The following FHIT variants were observed in gnomAD, a reference collection of about 807,000 sequenced individuals.
The protein encoded by FHIT is bis(5'-adenosyl)-triphosphatase.
In FHIT, 19 loss-of-function variants were observed where a neutral mutation model predicts 17.9. The observed-to-expected ratio is 1.06, with a 90% CI of 0.74 to 1.56. The LOEUF (loss-of-function observed/expected upper bound fraction) is 1.56, where lower values mean the gene tolerates loss of function less well. FHIT is among the 40% of genes most tolerant of loss of function. The pLI, the probability that FHIT is intolerant of heterozygous loss-of-function variation, is 0.00. For synonymous variants in FHIT, 81 were observed against 69.7 expected, an observed-to-expected ratio of 1.16 and a Z score of -0.81; for missense variants, 248 against 189.2, an observed-to-expected ratio of 1.31 and a Z score of -1.82.
rs532477854 is a variant in FHIT at position 61,022,668 on chromosome 3, T to C, written c.-111+19379A>G. 5.3e-5 allele frequency among the ~76,000 whole-genome samples: 8 copies of C among 152,344 alleles called. No homozygotes were observed. The South Asian group carries it at 8.3e-4, about 16-fold the overall frequency. Reference sequence around the variant, plus strand: ...ACCACGATCAAGTTGGCTTAATCCCTGGGATGCAAGGATGGTTCAATATAC... The same window carrying C: ...ACCACGATCAAGTTGGCTTAATCCCCGGGATGCAAGGATGGTTCAATATAC... On this transcript the variant is annotated intron_variant, in intron 3 of 9. Transcript: ENST00000492590.
chr3:61,250,560 C>T (rs150425236), intron 1 of FHIT, among the ~76,000 whole-genome samples: 1 of 152,184 alleles, frequency 6.6e-6, no homozygotes, highest in Non-Finnish European at 1.5e-5. Flanking sequence ...CTGTGAGTGG[C>T]TGTTCCAAGG....
intron 8 of FHIT, among the ~76,000 whole-genome samples, chr3:59,768,822 T>A (rs550228579): frequency 1.4e-4 from 22 of 152,326 alleles, no homozygotes; most frequent in African/African-American, 5.3e-4. Flanking sequence ...GATATACTAG[T>A]GAGGCAGGAA....
chr3:61,008,936 G>T (rs76235853), intron 3 of FHIT, among the ~76,000 whole-genome samples: 5,918 of 152,058 alleles, frequency 0.039, 376 homozygotes, highest in African/African-American at 0.13. Flanking sequence ...GCAGCTAACC[G>T]CCTCAGTAAA....
At chr3:60,264,062 G>T (rs1253245084) in intron 5 of FHIT, among the ~76,000 whole-genome samples, 1 of 151,708 alleles carries the variant, frequency 6.6e-6, no homozygotes, top group Non-Finnish European at 1.5e-5. Context: ...CATCAACAAA[G>T]TATGTGGCAT....
intron 3 of FHIT, among the ~76,000 whole-genome samples, chr3:60,826,015 T>C (rs1559752113): frequency 6.6e-6 from 1 of 152,062 alleles, no homozygotes; most frequent in Admixed American, 6.6e-5. Context: ...TGGAAGCAAA[T>C]CTGACCAAAC....
intron 8 of FHIT, among the ~76,000 whole-genome samples, chr3:59,916,845 A>G (rs951314578): frequency 1.3e-5 from 2 of 152,256 alleles, no homozygotes; most frequent in African/African-American, 4.8e-5. Context: ...TTAGAAGAAC[A>G]TATCAAGTTG....
At chr3:60,348,861 C>A (rs547437998) in intron 5 of FHIT, among the ~76,000 whole-genome samples, 1 of 152,176 alleles carries the variant, frequency 6.6e-6, no homozygotes, top group Admixed American at 6.5e-5. Flanking sequence ...AGCCTGCTGG[C>A]GGATACAAAA....
chr3:60,192,346 G>A (rs1043216419), intron 5 of FHIT, among the ~76,000 whole-genome samples: 26 of 152,104 alleles, frequency 1.7e-4, no homozygotes, highest in African/African-American at 4.3e-4. Flanking sequence ...CTAAAGCAAG[G>A]AGACAAATGC....
intron 7 of FHIT, among the ~76,000 whole-genome samples, chr3:59,958,761 C>A (rs1412125693): frequency 6.6e-6 from 1 of 152,174 alleles, no homozygotes; most frequent in Non-Finnish European, 1.5e-5. Flanking sequence ...CCGGGGCCAA[C>A]CTTCTATGAC....
intron 8 of FHIT, among the ~76,000 whole-genome samples, chr3:59,888,515 T>C (rs1440978397): frequency 6.6e-6 from 1 of 152,216 alleles, no homozygotes; most frequent in East Asian, 1.9e-4. Flanking sequence ...AAGGACCATA[T>C]ATTATTCACT....
chr3:60,623,397 A>G (rs1392819418), intron 4 of FHIT, among the ~76,000 whole-genome samples: 2 of 152,216 alleles, frequency 1.3e-5, no homozygotes, highest in Non-Finnish European at 2.9e-5. Context: ...TTGGAGCTTT[A>G]TAGAAATCAA....
intron 8 of FHIT, among the ~76,000 whole-genome samples, chr3:59,871,409 G>A (rs928558961): frequency 6.6e-6 from 1 of 152,036 alleles, no homozygotes; most frequent in Non-Finnish European, 1.5e-5. Flanking sequence ...GTTAACAAAT[G>A]TAGCCCTACT....
At chr3:60,275,778 C>T (rs1001631188) in intron 5 of FHIT, among the ~76,000 whole-genome samples, 3 of 152,180 alleles carry the variant, frequency 2.0e-5, no homozygotes, top group African/African-American at 4.8e-5. Flanking sequence ...TAAAACTAAA[C>T]TGATATTCTA....
intron 3 of FHIT, among the ~76,000 whole-genome samples, chr3:60,866,071 C>A (rs1704146746): frequency 6.6e-6 from 1 of 152,084 alleles, no homozygotes; most frequent in South Asian, 2.1e-4. Flanking sequence ...GTCATCTGTT[C>A]CCAAAGGCTC....
chr3:60,562,284 A>G (rs1375534306), intron 4 of FHIT, among the ~76,000 whole-genome samples: 1 of 152,206 alleles, frequency 6.6e-6, no homozygotes, highest in Non-Finnish European at 1.5e-5. Context: ...CTATTCTCTG[A>G]TCCAGGGGGA....
intron 3 of FHIT, among the ~76,000 whole-genome samples, chr3:60,867,951 G>A (rs1467180910): frequency 6.6e-6 from 1 of 152,166 alleles, no homozygotes; most frequent in Non-Finnish European, 1.5e-5. Flanking sequence ...GATTCCCAAA[G>A]ATGGAGAAAA....
At chr3:59,814,764 G>A (rs1043607193) in intron 8 of FHIT, among the ~76,000 whole-genome samples, 1 of 152,142 alleles carries the variant, frequency 6.6e-6, no homozygotes, top group South Asian at 2.1e-4. Flanking sequence ...TCCCAATATA[G>A]AGGCCCTTTC....
chr3:60,488,087 C>G (rs1015869495), intron 5 of FHIT, among the ~76,000 whole-genome samples: 1 of 152,132 alleles, frequency 6.6e-6, no homozygotes, highest in Non-Finnish European at 1.5e-5. Flanking sequence ...TGACAAGGCC[C>G]GTGCAGCTAC....
intron 5 of FHIT, among the ~76,000 whole-genome samples, chr3:60,062,413 G>A (rs529108865): frequency 1.8e-4 from 27 of 152,274 alleles, no homozygotes; most frequent in Admixed American, 4.6e-4. Context: ...TACATTCCAA[G>A]TACTGTGCTG....
Sources: gnomAD v4.1 joint callset for allele counts (sites outside exome capture counted in the v4.1 genomes callset) on GRCh38, gnomAD v4.1.1 for gene constraint, MANE v1.5 for transcripts, NCBI Gene and HGNC (gene_info 2026-07-23, HGNC 2026-07-21) for gene names.